Variants in PIP4K2A observed in about 807,000 individuals in gnomAD.
The protein encoded by PIP4K2A is phosphatidylinositol 5-phosphate 4-kinase type-2 alpha.
Under a neutral mutation model 42.9 loss-of-function variants are expected in PIP4K2A, and 14 were observed. The ratio of observed to expected loss-of-function variants is 0.33; its 90% CI spans 0.22 to 0.51. The LOEUF (loss-of-function observed/expected upper bound fraction) is 0.51, where lower values mean the gene tolerates loss of function less well. Among genes scored for constraint, PIP4K2A ranks in the 20% least tolerant of loss-of-function variants. The pLI, the probability that PIP4K2A is intolerant of heterozygous loss-of-function variation, is 0.97. For synonymous variants in PIP4K2A, 192 were observed against 192.2 expected, an observed-to-expected ratio of 1.00 and a Z score of 0.01; for missense variants, 434 against 519.8, an observed-to-expected ratio of 0.83 and a Z score of 1.61.
At chr10:22,597,128 A>G (rs1210196769) in intron 3 of PIP4K2A, among the ~76,000 whole-genome samples, 1 of 152,242 alleles carries the variant, frequency 6.6e-6, no homozygotes, top group Non-Finnish European at 1.5e-5. Flanking sequence ...GTACAAAGCT[A>G]TCTGAACTCA....
At position 22,537,193 on chromosome 10, in the gene PIP4K2A, G is replaced by T; in HGVS notation, c.*8C>A. ...AATGTTCATGTCTGTCCGAGGCTGCGCAGGAGGTTACGTCAAGATGTGGCC... is the reference window on the plus strand; with the variant it reads ...AATGTTCATGTCTGTCCGAGGCTGCTCAGGAGGTTACGTCAAGATGTGGCC... On this transcript the variant is annotated 3_prime_UTR_variant, in exon 10 of 10. Transcript: ENST00000376573. 1 of 1,595,018 alleles carries T rather than the reference G, an allele frequency of 6.3e-7. No homozygotes were observed. The highest frequency in any genetic ancestry group is 8.6e-7 in the Non-Finnish European group (1 of 1,167,682).
chr10:22,656,702 CAGA>C (rs1047548812), intron 1 of PIP4K2A, among the ~76,000 whole-genome samples: 1 of 150,368 alleles, frequency 6.7e-6, no homozygotes, highest in African/African-American at 2.5e-5. Context: ...GAGGCTGAGG[CAGA>C]AGAATAGCTT....
intron 7 of PIP4K2A, among the ~76,000 whole-genome samples, chr10:22,549,899 T>TAAA (rs1397498476): frequency 1.7e-3 from 265 of 152,034 alleles, no homozygotes; most frequent in Admixed American, 0.013. Context: ...TAACCTTTTT[T>TAAA]TCCTTTTTTC....
Position 22,714,321 on chromosome 10 carries a change from C to T in PIP4K2A, c.6G>A (p.Ala2=), listed in dbSNP as rs566529745. The T allele has an allele frequency of 5.6e-6, 9 of 1,603,324 alleles. No individual in the cohort carries two copies. The highest frequency in any genetic ancestry group is 1.7e-5 in the Admixed American group (1 of 59,300). Residue 2 remains alanine, a synonymous_variant, in exon 1 of 10, where the codon GCG becomes GCA. Coordinates refer to ENST00000376573, the MANE Select transcript of PIP4K2A (RefSeq NM_005028.5). The part of the protein sequence containing the change: M[A]TPGNLGSSVL... ...CAGAGGACCCTAGGTTGCCGGGGGT[C>T]GCCATGGCCGCCTCCTATGTCCCCT... is the stretch of plus-strand genomic sequence containing the variant.
intron 9 of PIP4K2A, 57 bp downstream of exon 9, chr10:22,539,897 GAGAGAGAGAGAGAGGGA>G (rs1564410901): frequency 1.8e-5 from 12 of 684,242 alleles, no homozygotes; most frequent in East Asian, 2.8e-5. Flanking sequence ...GAGAGAGAGA[GAGAGAGAGAGAGAGGGA>G]GAGAGAGAGA....
intron 1 of PIP4K2A, among the ~76,000 whole-genome samples, chr10:22,697,314 T>C (rs1024753363): frequency 6.6e-6 from 1 of 152,248 alleles, no homozygotes; most frequent in Non-Finnish European, 1.5e-5. Flanking sequence ...TCAGCACAAG[T>C]GACCGGCATT....
chr10:22,573,392 A>C lies in PIP4K2A; in HGVS notation c.558T>G (p.Val186=), dbSNP rs747054873. ...CTATCACATATATTTCAACTCCATC[A>C]ACATTAAGCCGGTACATGCCCAAGA... ...PQFLGMYRLN[V]DGVEIYVIVT... Residue 186 remains valine, a synonymous_variant, in exon 5 of 10, where the codon GTT becomes GTG. Coordinates refer to ENST00000376573, the MANE Select transcript of PIP4K2A (RefSeq NM_005028.5). 8.7e-6 allele frequency: 14 copies of C among 1,613,772 alleles called. No individual in the cohort carries two copies. Among genetic ancestry groups the C allele is most frequent in the Non-Finnish European group, 1.2e-5 (14 of 1,179,642 alleles).
At chr10:22,572,115 C>T (rs1028560833) in intron 5 of PIP4K2A, among the ~76,000 whole-genome samples, 2 of 152,140 alleles carry the variant, frequency 1.3e-5, no homozygotes, top group East Asian at 1.9e-4. Context: ...AGCGTGAAAG[C>T]GTTGAGACCA....
chr10:22,664,228 T>TACACAC lies in PIP4K2A; in HGVS notation c.144+49949_144+49954dup, dbSNP rs370820884. ...ACATATATATATATACATATATATA[T>TACACAC]ACACACACACACACACACACACATA... On this transcript the variant is annotated intron_variant, in intron 1 of 9. Coordinates refer to ENST00000376573, the MANE Select transcript of PIP4K2A (RefSeq NM_005028.5). Among the ~76,000 whole-genome samples the TACACAC allele has an allele frequency of 1.3e-3, 119 of 89,850 alleles. 5 individuals are homozygous for TACACAC. The highest frequency in any genetic ancestry group is 2.1e-3 in the Admixed American group (15 of 7,170). The allele number at this position is 89,850 out of a possible 152,430, so 58.9% of individuals were successfully genotyped here.
At chr10:22,603,975 G>A (rs1354539565) in intron 3 of PIP4K2A, among the ~76,000 whole-genome samples, 1 of 151,126 alleles carries the variant, frequency 6.6e-6, no homozygotes, top group Non-Finnish European at 1.5e-5. Context: ...TAGAAGCACT[G>A]GTTACACACA....
chr10:22,554,076 A>G (rs1168598348), intron 6 of PIP4K2A, among the ~76,000 whole-genome samples: 5 of 152,014 alleles, frequency 3.3e-5, no homozygotes, highest in Non-Finnish European at 7.4e-5. Context: ...GGGAGGTCAA[A>G]GTTGCAGAGA....
chr10:22,709,368 T>C (rs1833875942), intron 1 of PIP4K2A, among the ~76,000 whole-genome samples: 1 of 152,216 alleles, frequency 6.6e-6, no homozygotes, highest in East Asian at 1.9e-4. Flanking sequence ...CTAAATCACC[T>C]GCTCAAAGAG....
At chr10:22,681,689 ATAAATAAAAT>A (rs1464527303) in intron 1 of PIP4K2A, among the ~76,000 whole-genome samples, 1 of 152,068 alleles carries the variant, frequency 6.6e-6, no homozygotes, top group African/African-American at 2.4e-5. Context: ...AAAAAATAAA[ATAAATAAAAT>A]TAAATTAAAA....
intron 1 of PIP4K2A, among the ~76,000 whole-genome samples, chr10:22,640,338 AG>A (rs1016346740): frequency 1.1e-4 from 16 of 152,214 alleles, no homozygotes; most frequent in African/African-American, 3.9e-4. Context: ...TGGTACCAAA[AG>A]AAACCTTAGC....
chr10:22,579,524 A>G (rs1044393374), intron 4 of PIP4K2A, among the ~76,000 whole-genome samples: 2 of 151,950 alleles, frequency 1.3e-5, no homozygotes, highest in African/African-American at 4.8e-5. Flanking sequence ...CCCTATCCTC[A>G]CCCTTGGAGG....
At chr10:22,575,006 G>T (rs747595406) in intron 4 of PIP4K2A, among the ~76,000 whole-genome samples, 1 of 152,118 alleles carries the variant, frequency 6.6e-6, no homozygotes, top group Non-Finnish European at 1.5e-5. Flanking sequence ...AGGTGTGTGT[G>T]TGTGTCCTGG....
rs1021015085 is a variant in PIP4K2A at position 22,535,425 on chromosome 10, C to G, written c.*1776G>C. The G allele has an allele frequency of 6.6e-6, 1 of 152,164 alleles. No homozygotes were observed. The highest frequency in any genetic ancestry group is 1.5e-5 in the Non-Finnish European group (1 of 68,054). The allele number at this position is 152,164 out of a possible 1,614,324, so 9.4% of individuals were successfully genotyped here. ...CTACATAAAATGAGTGGACAGTATA[C>G]GGAGGGCACGACTGCTGGCTTCCAA... On this transcript the variant is annotated 3_prime_UTR_variant, in exon 10 of 10. Transcript: ENST00000376573.
At chr10:22,595,110 A>G (rs1162336886) in intron 3 of PIP4K2A, among the ~76,000 whole-genome samples, 2 of 152,230 alleles carry the variant, frequency 1.3e-5, no homozygotes, top group Non-Finnish European at 2.9e-5. Flanking sequence ...AAATCAAAAG[A>G]GTTCATGCAA....
At chr10:22,577,657 C>T (rs1372384344) in intron 4 of PIP4K2A, among the ~76,000 whole-genome samples, 1 of 152,220 alleles carries the variant, frequency 6.6e-6, no homozygotes, top group Non-Finnish European at 1.5e-5. Context: ...CAAAGACACT[C>T]AGTGCTTGCA....
Sources: allele counts gnomAD v4.1 joint callset (sites outside exome capture counted in the v4.1 genomes callset), GRCh38; gene constraint gnomAD v4.1.1; transcripts MANE v1.5; gene names NCBI Gene and HGNC (gene_info 2026-07-23, HGNC 2026-07-21).